ZNF644: variants seen among roughly 807,000 people sequenced by gnomAD.
ZNF644 encodes zinc finger protein 644.
A neutral mutation model predicts 108.0 loss-of-function variants in ZNF644; 20 were observed. The ratio of observed to expected loss-of-function variants is 0.19; its 90% confidence interval spans 0.13 to 0.27. ZNF644 has a LOEUF of 0.27. Among genes scored for constraint, ZNF644 ranks in the 10% least tolerant of loss-of-function variants. The probability of loss-of-function intolerance (pLI) is 1.00; values close to 1 mark genes in which losing one functional copy is unlikely to be tolerated. For synonymous variants in ZNF644, 542 were observed against 539.1 expected, an observed-to-expected ratio of 1.01 and a Z score of -0.08; for missense variants, 1,338 against 1,548.9, an observed-to-expected ratio of 0.86 and a Z score of 2.29.
At chr1:90,985,368 C>T (rs1002394816) in intron 1 of ZNF644, among the ~76,000 whole-genome samples, 1 of 152,228 alleles carries the variant, frequency 6.6e-6, no homozygotes, top group East Asian at 1.9e-4. Context: ...TGCATTATTA[C>T]TATATTTCAT....
intron 2 of ZNF644, among the ~76,000 whole-genome samples, chr1:90,976,115 G>A (rs1197629310): frequency 2.0e-5 from 3 of 152,128 alleles, no homozygotes; most frequent in Admixed American, 1.3e-4. Context: ...CTGTTTTTAC[G>A]AAATAATGTC....
chr1:91,010,231 T>G lies in ZNF644; in HGVS notation c.-18+11759A>C, dbSNP rs1027399104. 5.3e-5 allele frequency among the ~76,000 whole-genome samples: 8 copies of G among 150,062 alleles called. No homozygotes were observed. The Admixed American group carries it at 5.4e-4, about 10-fold the overall frequency. On this transcript the variant is annotated intron_variant, in intron 1 of 5. Coordinates refer to ENST00000337393, the MANE Select transcript of ZNF644 (RefSeq NM_201269.3). ...GCTTGCATTCCACAATTCTCATGTC[T>G]GTGCCTTTTTTTTTTTTTTTTTTTC...
chr1:90,927,725 T>A (rs1650214140), intron 4 of ZNF644, among the ~76,000 whole-genome samples: 1 of 152,124 alleles, frequency 6.6e-6, no homozygotes, highest in East Asian at 1.9e-4. Context: ...AAGACCCATC[T>A]TTTCTCTGTC....
intron 1 of ZNF644, among the ~76,000 whole-genome samples, chr1:91,001,036 ATAAT>A (rs1658725772): frequency 6.6e-6 from 1 of 152,218 alleles, no homozygotes; most frequent in Non-Finnish European, 1.5e-5. Flanking sequence ...AATTGAGGCA[ATAAT>A]TAATAGCCTA....
intron 2 of ZNF644, among the ~76,000 whole-genome samples, chr1:90,953,458 G>A (rs373358875): frequency 6.6e-5 from 10 of 151,722 alleles, no homozygotes; most frequent in African/African-American, 2.2e-4. Flanking sequence ...TGGGTTGACA[G>A]GTGCAGCAAA....
intron 1 of ZNF644, among the ~76,000 whole-genome samples, chr1:90,988,416 C>CT (rs1657324966): frequency 6.6e-6 from 1 of 152,160 alleles, no homozygotes; most frequent in African/African-American, 2.4e-5. Context: ...TGGAAACACA[C>CT]TGTACCCACA....
At chr1:90,981,736 AGCTAATCAGAAT>A (rs1339993032) in intron 2 of ZNF644, among the ~76,000 whole-genome samples, 3 of 152,090 alleles carry the variant, frequency 2.0e-5, no homozygotes, top group Non-Finnish European at 4.4e-5. Context: ...AGCCTTAGAA[AGCTAATCAGAAT>A]GCTATATTAG....
chr1:90,952,813 C>T (rs920004776), intron 2 of ZNF644, among the ~76,000 whole-genome samples: 2 of 152,018 alleles, frequency 1.3e-5, no homozygotes, highest in South Asian at 2.1e-4. Flanking sequence ...CTGAGATAAT[C>T]GCTGAGAATT....
At chr1:90,996,391 AGAGT>A (rs1658147754) in intron 1 of ZNF644, among the ~76,000 whole-genome samples, 1 of 152,214 alleles carries the variant, frequency 6.6e-6, no homozygotes, top group African/African-American at 2.4e-5. Flanking sequence ...CAATCTAGGA[AGAGT>A]GATAGATGGC....
chr1:90,944,136 T>C (rs1025118114), intron 2 of ZNF644, among the ~76,000 whole-genome samples: 2 of 152,212 alleles, frequency 1.3e-5, no homozygotes, highest in African/African-American at 2.4e-5. Context: ...AAACCTTCCA[T>C]GTTCTATGTT....
intron 2 of ZNF644, among the ~76,000 whole-genome samples, chr1:90,960,065 G>T (rs1654174010): frequency 1.3e-5 from 2 of 152,112 alleles, no homozygotes; most frequent in Non-Finnish European, 2.9e-5. Context: ...TGACTGTCAT[G>T]ATATTGCAGT....
intron 1 of ZNF644, chr1:91,021,592 C>T (rs1660918295): frequency 6.3e-6 from 1 of 159,010 alleles, no homozygotes; most frequent in Non-Finnish European, 1.4e-5. Context: ...CAGCTCAGCC[C>T]CTTTGTGTCC....
chr1:90,958,637 T>C lies in ZNF644; in HGVS notation c.45-17328A>G, dbSNP rs184337475. 9.9e-5 allele frequency among the ~76,000 whole-genome samples: 15 copies of C among 152,262 alleles called. No individual in the cohort carries two copies. The East Asian group carries it at 2.9e-3, about 29-fold the overall frequency. Reference sequence around the variant, plus strand: ...AGGGTAGACATACAGATCAATGGAATAGATTTAAGAGTCCAGAAATAAGCC... The same window carrying C: ...AGGGTAGACATACAGATCAATGGAACAGATTTAAGAGTCCAGAAATAAGCC... On this transcript the variant is annotated intron_variant, in intron 2 of 5. Coordinates refer to ENST00000337393, the MANE Select transcript of ZNF644 (RefSeq NM_201269.3).
chr1:90,928,658 A>AT (rs1557550935), intron 4 of ZNF644, among the ~76,000 whole-genome samples: 2 of 151,480 alleles, frequency 1.3e-5, no homozygotes, highest in African/African-American at 2.4e-5. Context: ...TGACTTCCTA[A>AT]TTTTTTTTAC....
At position 90,937,845 on chromosome 1, in the gene ZNF644, T is replaced by G. The variant is rs536070452; in HGVS notation, c.3328A>C (p.Lys1110Gln). Residue 1110 changes from lysine (K) to glutamine (Q), a missense_variant, in exon 4 of 6, where the codon AAA becomes CAA. This residue lies in a region of ZNF644 where 287 missense variants were observed against 310.9 expected (regional missense o/e 0.92). Coordinates refer to ENST00000337393, the MANE Select transcript of ZNF644 (RefSeq NM_201269.3). ...ATAAAGTCATCACTTGATGCAAGTT[T>G]TTGAGCTACAAATGGTCTGGGAATA... is the stretch of plus-strand genomic sequence containing the variant. Reference protein sequence around the residue: ...RIIPRPFVAQKLASSDDFISQ... With the variant: ...RIIPRPFVAQQLASSDDFISQ... The G allele has an allele frequency of 6.8e-6, 11 of 1,613,904 alleles. No individual in the cohort carries two copies. In the African/African-American group the frequency reaches 1.5e-4, roughly 22 times the overall value.
At chr1:90,934,242 CAAGTT>C (rs1404146758) in intron 4 of ZNF644, among the ~76,000 whole-genome samples, 10 of 152,022 alleles carry the variant, frequency 6.6e-5, no homozygotes, top group Non-Finnish European at 1.3e-4. Flanking sequence ...ATTTGTATAT[CAAGTT>C]AAGGAAGAAT....
chr1:90,968,785 T>C (rs1237536528), intron 2 of ZNF644, among the ~76,000 whole-genome samples: 4 of 152,298 alleles, frequency 2.6e-5, no homozygotes, highest in South Asian at 4.1e-4. Flanking sequence ...TACCTTTCAA[T>C]ATATACAGAT....
At chr1:91,016,816 G>T (rs1220549900) in intron 1 of ZNF644, among the ~76,000 whole-genome samples, 1 of 152,006 alleles carries the variant, frequency 6.6e-6, no homozygotes, top group East Asian at 1.9e-4. Context: ...ATATACTTAC[G>T]TTTCTAGAGT....
chr1:90,970,392 T>TA (rs1482318740), intron 2 of ZNF644, among the ~76,000 whole-genome samples: 1 of 152,150 alleles, frequency 6.6e-6, no homozygotes, highest in Non-Finnish European at 1.5e-5. Flanking sequence ...GGGAAACTTT[T>TA]AAAAATGACA....
Sources: allele counts gnomAD v4.1 joint callset (sites outside exome capture counted in the v4.1 genomes callset), GRCh38; gene constraint gnomAD v4.1.1; regional missense constraint gnomAD v4.1.1; transcripts MANE v1.5; gene names NCBI Gene and HGNC (gene_info 2026-07-23, HGNC 2026-07-21).